The following MERTK variants were observed in gnomAD, a reference collection of about 807,000 sequenced individuals.
MERTK encodes the protein tyrosine-protein kinase Mer.
Under a neutral mutation model 99.3 loss-of-function variants are expected in MERTK, and 69 were observed. That is an observed-to-expected ratio of 0.70 (90% confidence interval 0.57 to 0.85). The LOEUF (loss-of-function observed/expected upper bound fraction) is 0.85, where lower values mean the gene tolerates loss of function less well. MERTK is among the 40% of genes least tolerant of loss of function. The probability of loss-of-function intolerance (pLI) is 0.00; values close to 1 mark genes in which losing one functional copy is unlikely to be tolerated. For missense variants in MERTK, 1,125 were observed against 1,249.4 expected, an observed-to-expected ratio of 0.90 and a Z score of 1.50; for synonymous variants, 426 against 467.6, an observed-to-expected ratio of 0.91 and a Z score of 1.15.
chr2:111,980,188 G>C (rs546278602), intron 7 of MERTK, among the ~76,000 whole-genome samples: 1 of 152,238 alleles, frequency 6.6e-6, no homozygotes, highest in South Asian at 2.1e-4. Context: ...GTAGCCAAGT[G>C]GGGGAGGAGG....
At chr2:111,965,317 G>A (rs781064458) in intron 5 of MERTK, 40 bp downstream of exon 5, 1 of 1,596,272 alleles carries the variant, frequency 6.3e-7, no homozygotes. Context: ...TGTTCTGGGA[G>A]CTGGTGAGGG....
intron 18 of MERTK, 41 bp downstream of exon 18, chr2:112,022,435 G>A: frequency 6.2e-7 from 1 of 1,613,950 alleles, no homozygotes. Context: ...CTCTGCATGG[G>A]GCAGCCACCT....
chr2:111,947,939 C>T lies in MERTK; in HGVS notation c.757+372C>T, dbSNP rs895422465. ...GTGAAGACCTCAGTGGATTTGACACCGAGAGAGTGGATTCATCATGGGGAG... is the reference window on the plus strand; with the variant it reads ...GTGAAGACCTCAGTGGATTTGACACTGAGAGAGTGGATTCATCATGGGGAG... On this transcript the variant is annotated intron_variant, in intron 4 of 18. Transcript: ENST00000295408. Among the ~76,000 whole-genome samples, 6 of 152,114 alleles carry T rather than the reference C, an allele frequency of 3.9e-5. No individual in the cohort carries two copies. In the East Asian group the frequency reaches 9.7e-4, roughly 24 times the overall value.
intron 15 of MERTK, among the ~76,000 whole-genome samples, chr2:112,012,097 ACTT>A (rs1409277088): frequency 2.0e-5 from 3 of 152,206 alleles, no homozygotes; most frequent in African/African-American, 7.2e-5. Context: ...CAGGGCCAGG[ACTT>A]CTTCGTTTCA....
chr2:112,018,930 G>C (rs996718854), intron 15 of MERTK, among the ~76,000 whole-genome samples: 3 of 152,072 alleles, frequency 2.0e-5, no homozygotes, highest in African/African-American at 7.2e-5. Context: ...AAAACATTTC[G>C]TAGTAAAATG....
At chr2:111,928,927 G>T (rs1453714007) in intron 1 of MERTK, among the ~76,000 whole-genome samples, 193 bp from the exon 2 acceptor site, 1 of 152,144 alleles carries the variant, frequency 6.6e-6, no homozygotes, top group Non-Finnish European at 1.5e-5. Flanking sequence ...GACTCTTCCA[G>T]AGGCGAGTTT....
chr2:111,908,190 T>C (rs1684176005), intron 1 of MERTK, among the ~76,000 whole-genome samples: 2 of 152,162 alleles, frequency 1.3e-5, no homozygotes, highest in African/African-American at 4.8e-5. Flanking sequence ...GCTGGATGAT[T>C]CATTAAGCCA....
In MERTK at chr2:111,940,109, C is replaced by CT. The variant is rs34805317; in HGVS notation, c.483-4841dup. ...CAGGTCCTCTTTCTTGGCTTCTACT[C>CT]TTTTTTTTTTCTACTTTCCTAAACT... is the stretch of plus-strand genomic sequence containing the variant. On this transcript the variant is annotated intron_variant, in intron 2 of 18. Coordinates refer to ENST00000295408, the MANE Select transcript of MERTK (RefSeq NM_006343.3). 9.1e-3 allele frequency among the ~76,000 whole-genome samples: 1,367 copies of CT among 150,410 alleles called. 11 individuals carry two copies. Among genetic ancestry groups the CT allele is most frequent in the Middle Eastern group, 0.014 (4 of 292 alleles).
intron 1 of MERTK, among the ~76,000 whole-genome samples, chr2:111,910,610 G>GTGTGTGTGTGTATA (rs370882764): frequency 3.3e-4 from 47 of 143,656 alleles, no homozygotes; most frequent in African/African-American, 1.1e-3. Flanking sequence ...GTGTGTGTGT[G>GTGTGTGTGTGTATA]TATATATATA....
chr2:111,918,567 T>C (rs957859113), intron 1 of MERTK, among the ~76,000 whole-genome samples: 2 of 152,178 alleles, frequency 1.3e-5, no homozygotes, highest in Non-Finnish European at 2.9e-5. Context: ...ATGCTGCCAG[T>C]GGAGAAAGCA....
intron 4 of MERTK, among the ~76,000 whole-genome samples, chr2:111,956,349 T>A (rs1685148570): frequency 6.6e-6 from 1 of 152,238 alleles, no homozygotes; most frequent in Non-Finnish European, 1.5e-5. Flanking sequence ...TTTTTTGTGT[T>A]GTTATTTTTA....
intron 1 of MERTK, among the ~76,000 whole-genome samples, chr2:111,907,138 G>A (rs1426892868): frequency 6.6e-6 from 1 of 152,224 alleles, no homozygotes; most frequent in Non-Finnish European, 1.5e-5. Flanking sequence ...GATGCAGCCA[G>A]GTGCGGTGGC....
chr2:111,911,547 C>CA (rs1410465715), intron 1 of MERTK, among the ~76,000 whole-genome samples: 1 of 151,972 alleles, frequency 6.6e-6, no homozygotes, highest in East Asian at 1.9e-4. Context: ...CACCACCATG[C>CA]CCAGCTAATT....
At chr2:111,955,914 A>G (rs1685139143) in intron 4 of MERTK, among the ~76,000 whole-genome samples, 2 of 149,124 alleles carry the variant, frequency 1.3e-5, no homozygotes, top group African/African-American at 2.5e-5. Context: ...TGGGAATTGA[A>G]CAATGAGAAC....
chr2:111,970,962 G>A (rs1676108998), intron 6 of MERTK, among the ~76,000 whole-genome samples: 1 of 151,904 alleles, frequency 6.6e-6, no homozygotes, highest in Non-Finnish European at 1.5e-5. Context: ...TCTCTTTGTG[G>A]AAAGTTTTTT....
intron 4 of MERTK, among the ~76,000 whole-genome samples, chr2:111,952,988 G>T (rs1209497176): frequency 1.3e-5 from 2 of 152,126 alleles, no homozygotes; most frequent in African/African-American, 4.8e-5. Context: ...TGAGACCAGG[G>T]GGGCTCTTGA....
chr2:111,929,675 C>G, intron 2 of MERTK, 135 bp downstream of exon 2: 1 of 633,194 alleles, frequency 1.6e-6, no homozygotes, highest in Non-Finnish European at 2.4e-6. Flanking sequence ...CAACCTCCAC[C>G]TCCTGAGTTC....
chr2:111,989,531 A>G (rs965873445), intron 8 of MERTK, among the ~76,000 whole-genome samples: 6 of 152,006 alleles, frequency 3.9e-5, no homozygotes, highest in African/African-American at 1.2e-4. Context: ...AATTTTCTGT[A>G]TTTTTAGTAG....
chr2:111,981,804 G>A (rs1676379024), intron 7 of MERTK, among the ~76,000 whole-genome samples: 2 of 152,082 alleles, frequency 1.3e-5, no homozygotes, highest in Admixed American at 6.6e-5. Context: ...TGTTCAGACT[G>A]TCAGTAACTT....
Sources: allele counts gnomAD v4.1 joint callset (sites outside exome capture counted in the v4.1 genomes callset), GRCh38; gene constraint gnomAD v4.1.1; transcripts MANE v1.5; gene names NCBI Gene and HGNC (gene_info 2026-07-23, HGNC 2026-07-21).